PDE5A: variants seen among roughly 807,000 people sequenced by gnomAD.
The protein encoded by PDE5A is phosphodiesterase 5A, also known as cGMP-specific 3',5'-cyclic phosphodiesterase.
PDE5A carries 67 observed loss-of-function variants against 110.2 expected under a neutral mutation model. The ratio of observed to expected loss-of-function variants is 0.61; its 90% CI spans 0.50 to 0.75. PDE5A has a LOEUF of 0.75. Ranked by LOEUF, PDE5A falls within the 30% of genes least tolerant of loss-of-function variation. The pLI is 0.00. For missense variants in PDE5A, 862 were observed against 1,045.1 expected (o/e 0.82, Z 2.42); for synonymous variants, 328 against 351.2 (o/e 0.93, Z 0.74).
intron 18 of PDE5A, among the ~76,000 whole-genome samples, chr4:119,503,660 A>G (rs1368827312): frequency 6.6e-6 from 1 of 152,186 alleles, no homozygotes; most frequent in East Asian, 1.9e-4. Flanking sequence ...ATGCTGGTTC[A>G]ATGAGCATTT....
intron 3 of PDE5A, among the ~76,000 whole-genome samples, chr4:119,572,073 C>T (rs556975517): frequency 1.3e-5 from 2 of 152,296 alleles, no homozygotes; most frequent in African/African-American, 4.8e-5. Context: ...CTTGAAATAT[C>T]ACCTCTCTAC....
intron 8 of PDE5A, 121 bp from the exon 9 acceptor site, chr4:119,552,758 G>T: frequency 2.0e-6 from 1 of 493,994 alleles, no homozygotes; most frequent in Non-Finnish European, 3.6e-6. Context: ...TTATATTAGA[G>T]AGCATTGGAA....
At chr4:119,621,897 G>T (rs1264102104) in intron 1 of PDE5A, among the ~76,000 whole-genome samples, 1 of 152,158 alleles carries the variant, frequency 6.6e-6, no homozygotes, top group African/African-American at 2.4e-5. Context: ...TTGGCCGGGC[G>T]CGGTGGCTCA....
At chr4:119,507,892 A>G (rs571471844) in intron 15 of PDE5A, among the ~76,000 whole-genome samples, 188 bp from the exon 16 acceptor site, 95 of 152,016 alleles carry the variant, frequency 6.2e-4, no homozygotes, top group African/African-American at 2.0e-3. Context: ...ATACATGTAA[A>G]CCGCTTCATA....
chr4:119,538,891 A>G, intron 11 of PDE5A, 69 bp downstream of exon 11: 1 of 1,112,810 alleles, frequency 9.0e-7, no homozygotes, highest in East Asian at 2.4e-5. Flanking sequence ...ATCCATCTAA[A>G]TATTTACCAA....
intron 9 of PDE5A, among the ~76,000 whole-genome samples, chr4:119,548,036 C>T (rs1337770378): frequency 1.1e-4 from 16 of 144,934 alleles, no homozygotes; most frequent in Non-Finnish European, 4.5e-5. Context: ...TTGTCCATTT[C>T]TCCGTGTATT....
chr4:119,576,869 A>T (rs1365995624), intron 3 of PDE5A, among the ~76,000 whole-genome samples: 1 of 152,216 alleles, frequency 6.6e-6, no homozygotes, highest in Non-Finnish European at 1.5e-5. Context: ...GAGACACAAA[A>T]AACCCGTCAA....
chr4:119,498,018 T>C lies in PDE5A; in HGVS notation c.*583A>G, dbSNP rs1725142275. On this transcript the variant is annotated 3_prime_UTR_variant, in exon 21 of 21. Coordinates refer to ENST00000354960, the MANE Select transcript of PDE5A (RefSeq NM_001083.4). ...AAAACAGCATATCAATTAAATAATGTTTTCTTTACAATACAGTTTCATAGG... is the reference window on the plus strand; with the variant it reads ...AAAACAGCATATCAATTAAATAATGCTTTCTTTACAATACAGTTTCATAGG... 1.3e-5 allele frequency: 2 copies of C among 152,218 alleles called. No individual in the cohort carries two copies. Among genetic ancestry groups the C allele is most frequent in the Non-Finnish European group, 2.9e-5 (2 of 68,068 alleles). The allele number at this position is 152,218 out of a possible 1,614,324, so 9.4% of individuals were successfully genotyped here.
intron 3 of PDE5A, among the ~76,000 whole-genome samples, chr4:119,575,675 T>A (rs538711078): frequency 9.9e-4 from 150 of 152,166 alleles, no homozygotes; most frequent in African/African-American, 3.4e-3. Context: ...CTACAAGACC[T>A]CCTGAAGGAA....
chr4:119,591,183 T>A (rs577367445), intron 3 of PDE5A, among the ~76,000 whole-genome samples: 4 of 152,226 alleles, frequency 2.6e-5, no homozygotes, highest in Non-Finnish European at 5.9e-5. Flanking sequence ...GATTATTATG[T>A]GGCTAATGAC....
Position 119,560,344 on chromosome 4 carries a change from A to G in PDE5A, c.1151T>C (p.Phe384Ser). ...EDCSDSFSSV[F>S]HMECEELEKS... is the part of the protein sequence containing the mutation. ...TTCTAATTCCTCACACTCCATGTGA[A>G]ACACACTAGAAAAAGAATCCTAAAA... The change falls in exon 7 of 21, where the codon TTT becomes TCT. Residue 384 changes from phenylalanine (F) to serine (S), a missense_variant. By Grantham distance (155) the Phe-to-Ser change is radical (BLOSUM62 -2). Coordinates refer to ENST00000354960, the MANE Select transcript of PDE5A (RefSeq NM_001083.4). The G allele has an allele frequency of 1.3e-6, 2 of 1,586,836 alleles. No homozygotes were observed. The highest frequency in any genetic ancestry group is 1.7e-6 in the Non-Finnish European group (2 of 1,167,538).
At chr4:119,623,075 T>C (rs1730216206) in intron 1 of PDE5A, among the ~76,000 whole-genome samples, 1 of 150,920 alleles carries the variant, frequency 6.6e-6, no homozygotes, top group Non-Finnish European at 1.5e-5. Context: ...AGAATATCAG[T>C]CAGTAAATAA....
At chr4:119,511,298 G>C (rs1725734946) in intron 14 of PDE5A, among the ~76,000 whole-genome samples, 164 bp from the exon 15 acceptor site, 1 of 151,862 alleles carries the variant, frequency 6.6e-6, no homozygotes, top group East Asian at 1.9e-4. Context: ...ATAATCTCTG[G>C]GAAACAAATA....
chr4:119,502,696 T>TATC (rs1553923152), intron 18 of PDE5A, 41 bp from the exon 19 acceptor site: 1 of 1,289,048 alleles, frequency 7.8e-7, no homozygotes. Context: ...ATGAAAAGCA[T>TATC]ATCATTCTTT....
intron 12 of PDE5A, among the ~76,000 whole-genome samples, chr4:119,524,893 G>A (rs1207523975): frequency 6.6e-6 from 1 of 152,052 alleles, no homozygotes; most frequent in East Asian, 1.9e-4. Context: ...GATATTAGAA[G>A]ATATTTAAGT....
At chr4:119,574,682 T>A (rs1728269152) in intron 3 of PDE5A, among the ~76,000 whole-genome samples, 1 of 152,176 alleles carries the variant, frequency 6.6e-6, no homozygotes, top group Non-Finnish European at 1.5e-5. Context: ...AAAAGCTGGT[T>A]TCTTGGACTT....
At chr4:119,502,059 C>T (rs1166041622) in intron 19 of PDE5A, among the ~76,000 whole-genome samples, 2 of 152,098 alleles carry the variant, frequency 1.3e-5, no homozygotes, top group Non-Finnish European at 2.9e-5. Context: ...GTGGTGGTGG[C>T]ATGACATCTG....
intron 10 of PDE5A, among the ~76,000 whole-genome samples, chr4:119,539,357 T>A (rs1040278934): frequency 1.3e-4 from 20 of 151,800 alleles, no homozygotes; most frequent in Non-Finnish European, 2.9e-4. Flanking sequence ...TTTTTTTTTT[T>A]AAGACAATAT....
At chr4:119,511,186 C>T (rs1725731085) in intron 14 of PDE5A, 52 bp from the exon 15 acceptor site, 2 of 1,090,806 alleles carry the variant, frequency 1.8e-6, no homozygotes, top group East Asian at 4.7e-5. Flanking sequence ...CTTAATATGC[C>T]ATTTATCAGT....
Sources: gnomAD v4.1 joint callset for allele counts (sites outside exome capture counted in the v4.1 genomes callset) on GRCh38, gnomAD v4.1.1 for gene constraint, MANE v1.5 for transcripts, NCBI Gene and HGNC (gene_info 2026-07-23, HGNC 2026-07-21) for gene names.